The following ANK3 variants were observed in gnomAD, a reference collection of about 807,000 sequenced individuals.
ANK3 encodes ankyrin-3.
In ANK3, 57 loss-of-function variants were observed where a neutral mutation model predicts 370.9. That is an observed-to-expected ratio of 0.15 (90% CI 0.12 to 0.19). ANK3 has a LOEUF of 0.19. Among genes scored for constraint, ANK3 ranks in the 10% least tolerant of loss-of-function variants. The pLI is 1.00. For missense variants in ANK3, 4,439 were observed against 5,302.1 expected, an observed-to-expected ratio of 0.84 and a Z score of 5.06; for synonymous variants, 1,929 against 1,946.3, an observed-to-expected ratio of 0.99 and a Z score of 0.23.
At chr10:60,678,610 A>G (rs547883605) in intron 1 of ANK3, among the ~76,000 whole-genome samples, 17 of 152,320 alleles carry the variant, frequency 1.1e-4, no homozygotes, top group African/African-American at 3.8e-4. Context: ...AAAATCTACA[A>G]AGGCTATTAC....
chr10:60,326,902 C>G (rs1047291443), intron 1 of ANK3, among the ~76,000 whole-genome samples: 1 of 151,722 alleles, frequency 6.6e-6, no homozygotes, highest in Admixed American at 6.6e-5. Flanking sequence ...CGCCTTTAGT[C>G]CCAGCTACTC....
chr10:60,662,071 C>CA lies in ANK3; in HGVS notation c.58-46848dup, dbSNP rs906069704. 5.3e-5 allele frequency among the ~76,000 whole-genome samples: 8 copies of CA among 151,656 alleles called. 1 individual carries two copies. Among genetic ancestry groups the CA allele is most frequent in the African/African-American group, 1.7e-4 (7 of 41,286 alleles). ...TTAAATTAGATCAGTTAGAATATAT[C>CA]AAAAAAGAATATAAATTATAAACAA... On this transcript the variant is annotated intron_variant, in intron 1 of 43. Coordinates refer to the ANK3 transcript ENST00000373827.
At chr10:60,582,314 A>G (rs958517127) in intron 2 of ANK3, among the ~76,000 whole-genome samples, 2 of 152,064 alleles carry the variant, frequency 1.3e-5, no homozygotes, top group African/African-American at 2.4e-5. Flanking sequence ...CAGAACCACA[A>G]AGTGACCTTG....
intron 25 of ANK3, among the ~76,000 whole-genome samples, chr10:60,131,321 G>A (rs991315195): frequency 2.0e-5 from 3 of 152,170 alleles, no homozygotes; most frequent in Admixed American, 6.5e-5. Flanking sequence ...TCTGAGTAGT[G>A]TTATATGCTT....
chr10:60,166,752 G>C, intron 22 of ANK3, 72 bp downstream of exon 22: 1 of 1,586,528 alleles, frequency 6.3e-7, no homozygotes, highest in East Asian at 2.2e-5. Context: ...TTTTGCAATG[G>C]ACTTTCTTCA....
In ANK3 at chr10:60,512,924, T is replaced by C. The variant is rs1298805952; in HGVS notation, c.96+102262A>G. Among the ~76,000 whole-genome samples, 4 of 152,250 alleles carry C rather than the reference T, an allele frequency of 2.6e-5. 1 individual carries two copies. The South Asian group carries it at 8.3e-4, about 32-fold the overall frequency. ...CAAGTAGAAATAACAAGGAAGGCAT[T>C]ATTTTCCATAATTTACGTGATTCAT... On this transcript the variant is annotated intron_variant, in intron 2 of 43. Coordinates refer to the ANK3 transcript ENST00000373827.
chr10:60,351,886 T>A (rs1323088849), intron 1 of ANK3, among the ~76,000 whole-genome samples: 1 of 151,418 alleles, frequency 6.6e-6, no homozygotes, highest in Non-Finnish European at 1.5e-5. Flanking sequence ...GTACCTCAGA[T>A]AACAATGCAT....
intron 2 of ANK3, among the ~76,000 whole-genome samples, chr10:60,501,856 G>A (rs143989441): frequency 6.6e-6 from 1 of 152,226 alleles, no homozygotes; most frequent in Non-Finnish European, 1.5e-5. Flanking sequence ...GCTTGGTGGT[G>A]CAAACCTGTA....
intron 23 of ANK3, among the ~76,000 whole-genome samples, chr10:60,154,260 C>G (rs2095254526): frequency 6.6e-6 from 1 of 152,076 alleles, no homozygotes; most frequent in South Asian, 2.1e-4. Context: ...GAAACCAAAC[C>G]CTTGAATCAC....
At chr10:60,383,290 T>C (rs186805669) in intron 1 of ANK3, among the ~76,000 whole-genome samples, 1 of 152,314 alleles carries the variant, frequency 6.6e-6, no homozygotes, top group Admixed American at 6.5e-5. Flanking sequence ...AACAACACTA[T>C]GGCTTTTACT....
At chr10:60,149,822 C>T (rs1243313642) in intron 23 of ANK3, among the ~76,000 whole-genome samples, 1 of 152,232 alleles carries the variant, frequency 6.6e-6, no homozygotes, top group Non-Finnish European at 1.5e-5. Context: ...GAGTCTCCTG[C>T]CTCAGCCTCC....
chr10:60,450,914 C>T (rs2133038358), intron 2 of ANK3, among the ~76,000 whole-genome samples: 1 of 152,218 alleles, frequency 6.6e-6, no homozygotes, highest in East Asian at 1.9e-4. Context: ...AAGATCTGTC[C>T]ACTTGGGAAC....
intron 1 of ANK3, among the ~76,000 whole-genome samples, chr10:60,284,149 G>A (rs1425792581): frequency 6.6e-6 from 1 of 152,158 alleles, no homozygotes; most frequent in Non-Finnish European, 1.5e-5. Flanking sequence ...TGATGGCCAA[G>A]TGAAGAAAGA....
Position 60,039,661 on chromosome 10 carries a change from C to A in ANK3, c.*19+3011G>T, listed in dbSNP as rs189497726. Among the ~76,000 whole-genome samples, 86 of 152,114 alleles carry A rather than the reference C, an allele frequency of 5.7e-4. 1 individual carries two copies. In the East Asian group the frequency reaches 0.015, roughly 26 times the overall value. On this transcript the variant is annotated intron_variant, in intron 43 of 43. Transcript: ENST00000280772. ...ATTCTTTTGCTCCCTAGCTGTAGTA[C>A]CTTGAGTAAATCATTTAAGTTTTCT...
At chr10:60,390,849 G>A (rs1390481903), upstream of ANK3, among the ~76,000 whole-genome samples, 1 of 151,166 alleles carries the variant, frequency 6.6e-6, no homozygotes, top group Non-Finnish European at 1.5e-5. Flanking sequence ...GTGTGCTTCC[G>A]ATACAAAAGT....
intron 1 of ANK3, among the ~76,000 whole-genome samples, chr10:60,699,602 A>T (rs745375075): frequency 5.3e-5 from 8 of 152,010 alleles, no homozygotes; most frequent in Non-Finnish European, 8.8e-5. Context: ...ACACGTTATT[A>T]CCAAGAAGCA....
chr10:60,701,316 A>T (rs1456711224), intron 1 of ANK3, among the ~76,000 whole-genome samples: 7 of 152,188 alleles, frequency 4.6e-5, no homozygotes, highest in Non-Finnish European at 1.0e-4. Context: ...GTCTCAATGA[A>T]AGGGAATTTG....
At position 60,422,014 on chromosome 10, in the gene ANK3, T is replaced by C. The variant is rs139478014; in HGVS notation, c.97-142375A>G. Among the ~76,000 whole-genome samples the C allele has an allele frequency of 4.4e-3, 665 of 152,216 alleles. 3 individuals carry two copies. Among genetic ancestry groups the C allele is most frequent in the African/African-American group, 0.015 (608 of 41,544 alleles). On this transcript the variant is annotated intron_variant, in intron 2 of 43. Transcript: ENST00000373827. ...ATTTTTATAAGTAAATAAAAGGTCT[T>C]AGACAAAAGTTCAAATCAGATACTA...
chr10:60,425,977 T>C (rs1191972414), intron 2 of ANK3, among the ~76,000 whole-genome samples: 1 of 152,136 alleles, frequency 6.6e-6, no homozygotes, highest in Non-Finnish European at 1.5e-5. Context: ...TGAATCATCC[T>C]ATTTATATCT....
Sources: gnomAD v4.1 joint callset for allele counts (sites outside exome capture counted in the v4.1 genomes callset) on GRCh38, gnomAD v4.1.1 for gene constraint, MANE v1.5 for transcripts, NCBI Gene and HGNC (gene_info 2026-07-23, HGNC 2026-07-21) for gene names.